Variants in DOCK3 observed in about 807,000 individuals in gnomAD.
DOCK3 encodes the protein dedicator of cytokinesis 3.
A neutral mutation model predicts 265.6 loss-of-function variants in DOCK3; 60 were observed. That is an observed-to-expected ratio of 0.23 (90% CI 0.18 to 0.28). The LOEUF is 0.28. DOCK3 is among the 10% of genes least tolerant of loss of function. The probability of loss-of-function intolerance (pLI) is 1.00; values close to 1 mark genes in which losing one functional copy is unlikely to be tolerated. For synonymous variants in DOCK3, 881 were observed against 938.0 expected (o/e 0.94, Z 1.11); for missense variants, 1,981 against 2,594.3 (o/e 0.76, Z 5.14).
At chr3:51,191,895 T>C (rs1051902168) in intron 12 of DOCK3, among the ~76,000 whole-genome samples, 3 of 151,592 alleles carry the variant, frequency 2.0e-5, no homozygotes, top group African/African-American at 7.3e-5. Flanking sequence ...TAGTCCCTTG[T>C]TGTATAAGTA....
intron 9 of DOCK3, among the ~76,000 whole-genome samples, chr3:51,125,162 G>A (rs1160614704): frequency 6.6e-6 from 1 of 151,978 alleles, no homozygotes; most frequent in East Asian, 1.9e-4. Flanking sequence ...TTTATATTAA[G>A]AGAGAGTAAA....
chr3:50,689,275 C>G (rs1390174077), intron 1 of DOCK3, among the ~76,000 whole-genome samples: 1 of 152,142 alleles, frequency 6.6e-6, no homozygotes, highest in South Asian at 2.1e-4. Context: ...ACTCACGGTG[C>G]TAATAAAGAC....
intron 5 of DOCK3, among the ~76,000 whole-genome samples, chr3:51,009,246 C>T (rs1286931892): frequency 2.0e-5 from 3 of 152,084 alleles, no homozygotes; most frequent in African/African-American, 7.2e-5. Context: ...CCATCTGGTC[C>T]TGGACTTTTT....
intron 1 of DOCK3, among the ~76,000 whole-genome samples, chr3:50,704,711 C>T (rs1660978237): frequency 6.6e-6 from 1 of 151,850 alleles, no homozygotes; most frequent in South Asian, 2.1e-4. Flanking sequence ...CTGAAACCTC[C>T]CCTTCCTGGG....
intron 9 of DOCK3, among the ~76,000 whole-genome samples, chr3:51,135,888 T>G (rs2084771503): frequency 6.6e-6 from 1 of 152,020 alleles, no homozygotes; most frequent in Non-Finnish European, 1.5e-5. Flanking sequence ...TATTTAAGTT[T>G]TTGTAGAGAC....
intron 3 of DOCK3, among the ~76,000 whole-genome samples, chr3:50,862,939 A>G (rs924699672): frequency 4.6e-5 from 7 of 152,194 alleles, no homozygotes; most frequent in African/African-American, 1.7e-4. Flanking sequence ...AGTGGGAAGA[A>G]CTACTGCTGC....
At chr3:50,830,317 A>G (rs2045062671) in intron 2 of DOCK3, among the ~76,000 whole-genome samples, 1 of 152,220 alleles carries the variant, frequency 6.6e-6, no homozygotes, top group African/African-American at 2.4e-5. Context: ...TTTACAAAGA[A>G]CCATGATTTG....
intron 2 of DOCK3, among the ~76,000 whole-genome samples, chr3:50,790,165 T>G (rs1287491195): frequency 6.6e-6 from 1 of 152,234 alleles, no homozygotes; most frequent in African/African-American, 2.4e-5. Flanking sequence ...AATATCTTTT[T>G]CCACCTTTTT....
At chr3:51,070,223 A>G (rs538508017) in intron 6 of DOCK3, among the ~76,000 whole-genome samples, 3 of 152,364 alleles carry the variant, frequency 2.0e-5, no homozygotes, top group Non-Finnish European at 4.4e-5. Flanking sequence ...TCATTAATCA[A>G]TTGATATTTG....
chr3:50,911,410 TACTG>T (rs1187686226), intron 4 of DOCK3, among the ~76,000 whole-genome samples: 2 of 152,154 alleles, frequency 1.3e-5, no homozygotes, highest in African/African-American at 4.8e-5. Flanking sequence ...TGATTGAATA[TACTG>T]TCCTTTCTCC....
chr3:51,068,762 C>A (rs1377219526), intron 6 of DOCK3, among the ~76,000 whole-genome samples: 1 of 152,070 alleles, frequency 6.6e-6, no homozygotes, highest in Admixed American at 6.5e-5. Context: ...GTCTTAAAAC[C>A]AGGCACATTA....
intron 1 of DOCK3, among the ~76,000 whole-genome samples, chr3:50,699,025 G>A (rs572460495): frequency 8.1e-4 from 123 of 152,216 alleles, no homozygotes; most frequent in African/African-American, 2.9e-3. Context: ...CAGTGCCGTT[G>A]GCGTATCAAG....
chr3:50,936,077 A>C (rs1035899892), intron 5 of DOCK3, among the ~76,000 whole-genome samples: 21 of 152,184 alleles, frequency 1.4e-4, no homozygotes, highest in Non-Finnish European at 7.4e-5. Flanking sequence ...ACAAACAAAA[A>C]CATAGACGAC....
At chr3:51,182,695 G>A (rs757566306) in intron 12 of DOCK3, among the ~76,000 whole-genome samples, 2 of 152,196 alleles carry the variant, frequency 1.3e-5, no homozygotes, top group Non-Finnish European at 2.9e-5. Context: ...TCCAAATGGT[G>A]TAATGAGAGG....
chr3:50,682,808 G>A (rs2034506948), intron 1 of DOCK3, among the ~76,000 whole-genome samples: 2 of 152,172 alleles, frequency 1.3e-5, no homozygotes, highest in Non-Finnish European at 2.9e-5. Flanking sequence ...GCATGGTGGC[G>A]CACGCCTGTA....
At chr3:50,709,563 T>C (rs2609035) in intron 1 of DOCK3, among the ~76,000 whole-genome samples, 14,359 of 152,158 alleles carry the variant, frequency 0.094, 832 homozygotes, top group Non-Finnish European at 0.12. Flanking sequence ...TGGTGGCTCA[T>C]GCTTGTAATC....
At chr3:51,056,522 A>C (rs548003296) in intron 5 of DOCK3, among the ~76,000 whole-genome samples, 2 of 152,326 alleles carry the variant, frequency 1.3e-5, no homozygotes, top group African/African-American at 2.4e-5. Context: ...TGCTGGGATT[A>C]CAGGCGTGAG....
chr3:51,111,404 T>C (rs531610283), intron 9 of DOCK3, among the ~76,000 whole-genome samples: 1 of 152,196 alleles, frequency 6.6e-6, no homozygotes, highest in African/African-American at 2.4e-5. Context: ...TGGAACAGAA[T>C]AGAGAGACCA....
At chr3:50,704,921 G>A (rs1055290825) in intron 1 of DOCK3, among the ~76,000 whole-genome samples, 46 of 152,000 alleles carry the variant, frequency 3.0e-4, no homozygotes, top group African/African-American at 9.9e-4. Context: ...GAGTCACCAC[G>A]CCCGGCCTCT....
Sources: gnomAD v4.1 joint callset for allele counts (sites outside exome capture counted in the v4.1 genomes callset) on GRCh38, gnomAD v4.1.1 for gene constraint, MANE v1.5 for transcripts, NCBI Gene and HGNC (gene_info 2026-07-23, HGNC 2026-07-21) for gene names.